The following CST8 variants were observed in gnomAD, a reference collection of about 807,000 sequenced individuals.
CST8 encodes the protein cystatin-8.
In CST8, 20 loss-of-function variants were observed where a neutral mutation model predicts 11.8. The observed-to-expected ratio is 1.70, with a 90% CI of 1.20 to 2.47. CST8 has a LOEUF of 2.47. CST8 is among the 30% of genes most tolerant of loss of function. The pLI, the probability that CST8 is intolerant of heterozygous loss-of-function variation, is 0.00. For synonymous variants in CST8, 77 were observed against 63.1 expected, an observed-to-expected ratio of 1.22 and a Z score of -1.05; for missense variants, 196 against 167.2, an observed-to-expected ratio of 1.17 and a Z score of -0.95.
At chr20:23,492,775 A>G (rs1273458374) in intron 2 of CST8, among the ~76,000 whole-genome samples, 183 bp from the exon 3 acceptor site, 1 of 152,086 alleles carries the variant, frequency 6.6e-6, no homozygotes, top group Non-Finnish European at 1.5e-5. Context: ...TGGAGTCCTG[A>G]CTGATCTTGT....
chr20:23,497,756 C>T (rs1286765970), downstream of CST8, among the ~76,000 whole-genome samples: 1 of 152,202 alleles, frequency 6.6e-6, no homozygotes, highest in African/African-American at 2.4e-5. Context: ...TCTTGTGAGA[C>T]TTATTCACTA....
At chr20:23,500,421 C>G (rs1442843378), downstream of CST8, among the ~76,000 whole-genome samples, 2 of 152,142 alleles carry the variant, frequency 1.3e-5, no homozygotes, top group Admixed American at 1.3e-4. Context: ...CGGTTTCTAC[C>G]TGTAGGGCCT....
At chr20:23,491,988 A>G (rs1171317910) in intron 2 of CST8, 90 bp downstream of exon 2, 1 of 1,003,822 alleles carries the variant, frequency 1.0e-6, no homozygotes, top group Non-Finnish European at 1.5e-6. Flanking sequence ...GAAAAATATC[A>G]CTATGCAAAA....
At chr20:23,506,672 C>A in the CST8 span, among the ~76,000 whole-genome samples, 1 of 152,084 alleles carries the variant, frequency 6.6e-6, no homozygotes, top group Non-Finnish European at 1.5e-5. Flanking sequence ...ATTTACAAAT[C>A]CTACATGCTA....
Position 23,495,902 on chromosome 20 carries a change from T to C in CST8, c.417T>C (p.Cys139=), listed in dbSNP as rs766846477. ...NGEFTVMEKK[C]EDA ...AATTCACTGTGATGGAGAAAAAGTG[T>C]GAAGATGCTTAATGGTGTTTTGAGG... Residue 139 remains cysteine, a synonymous_variant, in exon 4 of 4, where the codon TGT becomes TGC. Coordinates refer to ENST00000246012, the MANE Select transcript of CST8 (RefSeq NM_005492.4). 180 of 1,611,698 alleles carry C rather than the reference T, an allele frequency of 1.1e-4. 1 individual carries two copies. The highest frequency in any genetic ancestry group is 1.6e-4 in the Middle Eastern group (1 of 6,074).
the CST8 span, among the ~76,000 whole-genome samples, chr20:23,503,965 A>T: frequency 2.2e-3 from 342 of 152,398 alleles, 5 homozygotes; most frequent in Admixed American, 0.018. Context: ...AGCATGGAAC[A>T]GACTGGAGTA....
At chr20:23,503,925 C>T in the CST8 span, among the ~76,000 whole-genome samples, 1 of 152,198 alleles carries the variant, frequency 6.6e-6, no homozygotes, top group Admixed American at 6.5e-5. Flanking sequence ...ACGGGTTCAA[C>T]CTTCCCACGT....
chr20:23,501,786 A>C, the CST8 span, among the ~76,000 whole-genome samples: 1 of 152,232 alleles, frequency 6.6e-6, no homozygotes, highest in Non-Finnish European at 1.5e-5. Flanking sequence ...TGAAGACAAT[A>C]AAATGAACAT....
downstream of CST8, among the ~76,000 whole-genome samples, chr20:23,496,741 C>G (rs183578833): frequency 6.6e-6 from 1 of 152,166 alleles, no homozygotes; most frequent in Non-Finnish European, 1.5e-5. Context: ...TGGCCGCCCC[C>G]CAAAGCGGCC....
downstream of CST8, among the ~76,000 whole-genome samples, chr20:23,500,573 TCCTTCTCCTACGTGGTTGGTACA>T (rs1254025357): frequency 1.3e-5 from 2 of 152,172 alleles, no homozygotes; most frequent in Non-Finnish European, 2.9e-5. Context: ...GGAGGGGCCC[TCCTTCTCCTACGTGGTTGGTACA>T]CTTAGACCAT....
chr20:23,500,366 GGTGTGCTCTGGTCTCAGAGGAC>G (rs2122216781), downstream of CST8, among the ~76,000 whole-genome samples: 1 of 152,240 alleles, frequency 6.6e-6, no homozygotes, highest in Non-Finnish European at 1.5e-5. Context: ...GAAGGAGCCC[GGTGTGCTCTGGTCTCAGAGGAC>G]GTGAGTGCTG....
chr20:23,506,978 T>C, the CST8 span, among the ~76,000 whole-genome samples: 1 of 152,240 alleles, frequency 6.6e-6, no homozygotes, highest in African/African-American at 2.4e-5. Flanking sequence ...AACATTAGGT[T>C]GGCAGTTCTT....
intron 2 of CST8, 49 bp downstream of exon 2, chr20:23,491,947 T>C (rs541715640): frequency 3.5e-6 from 5 of 1,443,194 alleles, no homozygotes; most frequent in African/African-American, 1.4e-5. Flanking sequence ...GGTGGCACAG[T>C]TGAAGCCAGA....
At chr20:23,492,083 G>T (rs541197020) in intron 2 of CST8, among the ~76,000 whole-genome samples, 185 bp downstream of exon 2, 1 of 152,154 alleles carries the variant, frequency 6.6e-6, no homozygotes, top group Non-Finnish European at 1.5e-5. Flanking sequence ...TTCTACAAAC[G>T]CTTGCGCTTT....
chr20:23,497,654 C>T (rs189223810), downstream of CST8, among the ~76,000 whole-genome samples: 87 of 152,292 alleles, frequency 5.7e-4, no homozygotes, highest in African/African-American at 1.9e-3. Flanking sequence ...CTCACAATCA[C>T]GGCAGAAGGT....
the CST8 span, among the ~76,000 whole-genome samples, chr20:23,501,245 TATCGCCC>T: frequency 6.6e-6 from 1 of 152,226 alleles, no homozygotes; most frequent in East Asian, 1.9e-4. Flanking sequence ...CTTCAGATAG[TATCGCCC>T]ATTGCTGGTT....
downstream of CST8, among the ~76,000 whole-genome samples, chr20:23,500,072 G>A (rs971443542): frequency 2.6e-5 from 4 of 151,728 alleles, no homozygotes; most frequent in South Asian, 2.1e-4. Context: ...AGAGAGGAGA[G>A]GCGGGGAGGG....
the CST8 span, among the ~76,000 whole-genome samples, chr20:23,503,110 T>C: frequency 1.3e-5 from 2 of 151,694 alleles, no homozygotes; most frequent in African/African-American, 4.8e-5. Flanking sequence ...CCAGGGTAAA[T>C]GAACAGTTAA....
downstream of CST8, among the ~76,000 whole-genome samples, chr20:23,497,987 A>G (rs1424796709): frequency 2.7e-5 from 4 of 150,192 alleles, no homozygotes; most frequent in African/African-American, 7.3e-5. Context: ...ATGTGTGTGC[A>G]TGTGTGTGTG....
Sources: gnomAD v4.1 joint callset for allele counts (sites outside exome capture counted in the v4.1 genomes callset) on GRCh38, gnomAD v4.1.1 for gene constraint, MANE v1.5 for transcripts, NCBI Gene and HGNC (gene_info 2026-07-23, HGNC 2026-07-21) for gene names.